Variants in WFS1 observed in about 807,000 individuals in gnomAD.
WFS1 encodes wolframin.
Under a neutral mutation model 68.5 loss-of-function variants are expected in WFS1, and 90 were observed. The ratio of observed to expected loss-of-function variants is 1.31; its 90% CI spans 1.11 to 1.56. The LOEUF (loss-of-function observed/expected upper bound fraction) is 1.56. WFS1 is among the 40% of genes most tolerant of loss of function. The pLI is 0.00. For synonymous variants in WFS1, 860 were observed against 540.7 expected (o/e 1.59, Z -8.19); for missense variants, 1,767 against 1,232.6 (o/e 1.43, Z -6.49).
chr4:6,294,761 A>C (rs2109119305), intron 6 of WFS1: 1 of 462,652 alleles, frequency 2.2e-6, no homozygotes, highest in South Asian at 2.0e-5. Flanking sequence ...CCCCAGGCAT[A>C]AGGAGCTAGG....
intron 4 of WFS1, among the ~76,000 whole-genome samples, chr4:6,290,768 T>C (rs1347852931): frequency 6.6e-6 from 1 of 150,778 alleles, no homozygotes; most frequent in Non-Finnish European, 1.5e-5. Flanking sequence ...AGAGGAAAGC[T>C]CTGTAGACAC....
In WFS1 at chr4:6,299,412, G is replaced by A. The variant is rs561315545; in HGVS notation, c.862-1245G>A. Among the ~76,000 whole-genome samples, 312 of 152,134 alleles carry A rather than the reference G, an allele frequency of 2.1e-3. 1 individual carries two copies. The highest frequency in any genetic ancestry group is 3.1e-3 in the Non-Finnish European group (211 of 67,994). Reference sequence around the variant, plus strand: ...CTTGACTATGGGGAGGTAGGGGTGCGCTGGTGTGTATGTGTAGGTGCACAC... The same window carrying A: ...CTTGACTATGGGGAGGTAGGGGTGCACTGGTGTGTATGTGTAGGTGCACAC... On this transcript the variant is annotated intron_variant, in intron 7 of 7. Transcript: ENST00000226760.
chr4:6,291,132 G>C (rs911076383), intron 4 of WFS1, 65 bp from the exon 5 acceptor site: 4 of 1,574,870 alleles, frequency 2.5e-6, no homozygotes, highest in Admixed American at 3.3e-5. Flanking sequence ...GAGTTGGCAG[G>C]GTCAGAGTGG....
In WFS1 at chr4:6,301,115, C is replaced by A. The variant is rs762339922; in HGVS notation, c.1320C>A (p.Thr440=). 6.2e-6 allele frequency: 10 copies of A among 1,613,716 alleles called. No individual in the cohort carries two copies. The highest frequency in any genetic ancestry group is 8.5e-6 in the Non-Finnish European group (10 of 1,180,038). Residue 440 remains threonine, a synonymous_variant, in exon 8 of 8, where the codon ACC becomes ACA. Transcript: ENST00000226760. ...TGGCTGTCATCACCGGCTTCTTTAC[C>A]GTGACCAGCTACCTGAGCCTGAGCA... The part of the protein sequence containing the change: ...SELAVITGFF[T]VTSYLSLSTH...
intron 7 of WFS1, among the ~76,000 whole-genome samples, chr4:6,298,191 G>A (rs113444919): frequency 5.3e-5 from 8 of 152,358 alleles, no homozygotes; most frequent in Admixed American, 3.9e-4. Flanking sequence ...GCCCCCATAC[G>A]GGGATTAACT....
chr4:6,292,311 G>C (rs1730488496), intron 6 of WFS1, among the ~76,000 whole-genome samples: 1 of 152,166 alleles, frequency 6.6e-6, no homozygotes, highest in Non-Finnish European at 1.5e-5. Context: ...GAAATACTGG[G>C]GGTGGGGACT....
chr4:6,300,948 G>A lies in WFS1; in HGVS notation c.1153G>A (p.Glu385Lys), dbSNP rs71524353. The A allele has an allele frequency of 7.3e-4, 1,174 of 1,613,944 alleles. 1 individual carries two copies. Among genetic ancestry groups the A allele is most frequent in the Middle Eastern group, 2.6e-3 (16 of 6,062 alleles). Residue 385 changes from glutamate (E) to lysine (K), a missense_variant, in exon 8 of 8, where the codon GAG (glutamate) becomes AAG (lysine). Glu to Lys is a moderately conservative substitution (Grantham distance 56). Coordinates refer to ENST00000226760, the MANE Select transcript of WFS1 (RefSeq NM_006005.3). ...CCTCACCGACCTGCTGCTGCGCTTC[G>A]AGCCCAACCTGGATGTGGAGCAGGC... ...RTLTDLLLRF[E>K]PNLDVEQAEV...
Position 6,295,109 on chromosome 4 carries a change from A to G in WFS1, c.781A>G (p.Ser261Gly). 6 of 1,613,478 alleles carry G rather than the reference A, an allele frequency of 3.7e-6. No individual in the cohort carries two copies. The highest frequency in any genetic ancestry group is 5.1e-6 in the Non-Finnish European group (6 of 1,180,026). Residue 261 changes from serine (S) to glycine (G), a missense_variant, in exon 7 of 8, where the codon AGC becomes GGC. Physicochemically the swap from Ser to Gly is moderately conservative, Grantham distance 56. Coordinates refer to ENST00000226760, the MANE Select transcript of WFS1 (RefSeq NM_006005.3). ...TKKYAKGVIPSSLFLQDDEDD... is the reference protein window; with the variant it reads ...TKKYAKGVIPGSLFLQDDEDD... ...GAAGTACGCCAAGGGCGTCATCCCC[A>G]GCAGCCTGTTCCTGCAGGACGACGA... is the stretch of plus-strand genomic sequence containing the variant.
intron 7 of WFS1, among the ~76,000 whole-genome samples, chr4:6,298,781 T>TG (rs1220490666): frequency 6.6e-6 from 1 of 152,204 alleles, no homozygotes. Context: ...TGTTGGCAGG[T>TG]GAGGGCCACA....
At position 6,287,239 on chromosome 4, in the gene WFS1, G is replaced by A. The variant is rs186201680; in HGVS notation, c.315+64G>A. On this transcript the variant is annotated intron_variant, in intron 3 of 7. Transcript: ENST00000226760. This position sits in a 1 kb window ranked among gnomAD's most constrained non-coding sequence, Gnocchi z 6.4. ...CCCCCGGCACAACAGGCCTGGCCAC[G>A]AGCTCCACAGCCCACAGAGAAGTGT... 27 of 1,388,188 alleles carry A rather than the reference G, an allele frequency of 1.9e-5. No individual in the cohort carries two copies. The highest frequency in any genetic ancestry group is 1.4e-4 in the Admixed American group (7 of 50,786). The allele number at this position is 1,388,188 out of a possible 1,614,324, so 86.0% of individuals were successfully genotyped here. A position where few individuals can be genotyped will look rare whatever the true frequency, so the allele number is the denominator to read the frequency against.
At position 6,301,740 on chromosome 4, in the gene WFS1, T is replaced by G; in HGVS notation, c.1945T>G (p.Phe649Val). 3 of 1,613,848 alleles carry G rather than the reference T, an allele frequency of 1.9e-6. No individual in the cohort carries two copies. Among genetic ancestry groups the G allele is most frequent in the East Asian group, 2.2e-5 (1 of 44,858 alleles). ...WLTAIVLFCW[F>V]YVYRSEGMKV... Reference sequence around the variant, plus strand: ...CACGGCCATCGTGCTGTTCTGCTGGTTCTATGTGTACCGCTCAGAGGGCAT... The same window carrying G: ...CACGGCCATCGTGCTGTTCTGCTGGGTCTATGTGTACCGCTCAGAGGGCAT... Residue 649 changes from phenylalanine (F) to valine (V), a missense_variant, in exon 8 of 8, where the codon TTC becomes GTC. Phe to Val is a conservative substitution (Grantham distance 50). Coordinates refer to ENST00000226760, the MANE Select transcript of WFS1 (RefSeq NM_006005.3).
Position 6,301,648 on chromosome 4 carries a change from T to G in WFS1, c.1853T>G (p.Phe618Cys). The G allele has an allele frequency of 6.2e-7, 1 of 1,614,082 alleles. No homozygotes were observed. Among genetic ancestry groups the G allele is most frequent in the South Asian group, 1.1e-5 (1 of 91,084 alleles). ...TTGCGCTGGTGGACCAAGGCCAGCT[T>G]CTCTGTGGTGGGGATGGTGAAGTCC... ...LLLRWWTKASFSVVGMVKSLT... is the reference protein window; with the variant it reads ...LLLRWWTKASCSVVGMVKSLT... The change falls in exon 8 of 8, where the codon TTC (phenylalanine) becomes TGC (cysteine). Residue 618 changes from phenylalanine to cysteine, a missense_variant. By Grantham distance (205) the Phe-to-Cys change is radical. Coordinates refer to ENST00000226760, the MANE Select transcript of WFS1 (RefSeq NM_006005.3).
In WFS1 at chr4:6,302,604, A is replaced by G. The variant is rs972602855; in HGVS notation, c.*136A>G. The G allele has an allele frequency of 1.1e-5, 14 of 1,313,034 alleles. No individual in the cohort carries two copies. In the Admixed American group the frequency reaches 1.2e-4, roughly 12 times the overall value. The allele number at this position is 1,313,034 out of a possible 1,614,324, so 81.3% of individuals were successfully genotyped here. A position where few individuals can be genotyped will look rare whatever the true frequency, so the allele number is the denominator to read the frequency against. On this transcript the variant is annotated 3_prime_UTR_variant, in exon 8 of 8. Coordinates refer to ENST00000226760, the MANE Select transcript of WFS1 (RefSeq NM_006005.3). ...CTGTGGCTGCAGAGACCTTGCGACCATGTGTAGATTGCGTGGACCCCGACA... is the reference window on the plus strand; with the variant it reads ...CTGTGGCTGCAGAGACCTTGCGACCGTGTGTAGATTGCGTGGACCCCGACA...
intron 6 of WFS1, 72 bp from the exon 7 acceptor site, chr4:6,294,967 GCC>G: frequency 6.2e-7 from 1 of 1,608,974 alleles, no homozygotes; most frequent in Non-Finnish European, 8.5e-7. Context: ...ACCGTCCCCA[GCC>G]CATTGCTCTG....
At position 6,283,132 on chromosome 4, in the gene WFS1, G is replaced by T. The variant is rs1169432717; in HGVS notation, c.233-3961G>T. 6.6e-6 allele frequency among the ~76,000 whole-genome samples: 1 copy of T among 152,218 alleles called. No individual in the cohort carries two copies. The highest frequency in any genetic ancestry group is 2.4e-5 in the African/African-American group (1 of 41,458). On this transcript the variant is annotated intron_variant, in intron 2 of 7. Transcript: ENST00000226760. The surrounding 1 kb of genome is among the most constrained non-coding windows in gnomAD (Gnocchi z 5.0). ...CTGGAGGATGCCCTAGGTAGTGCCTGAGAAAGTGAGGGTCATTGACTGATT... is the reference window on the plus strand; with the variant it reads ...CTGGAGGATGCCCTAGGTAGTGCCTTAGAAAGTGAGGGTCATTGACTGATT...
intron 1 of WFS1, among the ~76,000 whole-genome samples, chr4:6,271,561 C>T (rs1464540054): frequency 6.6e-6 from 1 of 152,158 alleles, no homozygotes; most frequent in Non-Finnish European, 1.5e-5. Context: ...GGCTCCCCTC[C>T]CCTCCCACTT....
At chr4:6,282,834 G>T (rs1448208362) in intron 2 of WFS1, among the ~76,000 whole-genome samples, 1 of 152,208 alleles carries the variant, frequency 6.6e-6, no homozygotes, top group African/African-American at 2.4e-5. Context: ...CAGTTCAGCT[G>T]CTCAGCCAGG....
At chr4:6,289,567 G>C (rs1730406470) in intron 4 of WFS1, among the ~76,000 whole-genome samples, 1 of 152,232 alleles carries the variant, frequency 6.6e-6, no homozygotes, top group Non-Finnish European at 1.5e-5. Context: ...CACAGACCTG[G>C]ACAAGCATGT....
In WFS1 at chr4:6,302,333, C is replaced by A. The variant is rs753674557; in HGVS notation, c.2538C>A (p.Ser846Arg). 1 of 1,612,426 alleles carries A rather than the reference C, an allele frequency of 6.2e-7. No homozygotes were observed. Among genetic ancestry groups the A allele is most frequent in the African/African-American group, 1.3e-5 (1 of 74,956 alleles). ...CTGTCTTCGAGCTCAAGGCCATCAGCTGCCTCAACTGCATGGCCCAGCTCT... is the reference window on the plus strand; with the variant it reads ...CTGTCTTCGAGCTCAAGGCCATCAGATGCCTCAACTGCATGGCCCAGCTCT... ...KWPVFELKAI[S>R]CLNCMAQLSP... Residue 846 changes from serine to arginine, a missense_variant, in exon 8 of 8, where the codon AGC (serine) becomes AGA (arginine). Ser to Arg is a moderately radical substitution (Grantham distance 110, BLOSUM62 -1). Coordinates refer to ENST00000226760, the MANE Select transcript of WFS1 (RefSeq NM_006005.3).
Sources: allele counts gnomAD v4.1 joint callset (sites outside exome capture counted in the v4.1 genomes callset), GRCh38; gene constraint gnomAD v4.1.1; non-coding constraint Gnocchi (gnomAD v3.1); transcripts MANE v1.5; gene names NCBI Gene and HGNC (gene_info 2026-07-23, HGNC 2026-07-21).